The following GALNT18 variants were observed in gnomAD, a reference collection of about 807,000 sequenced individuals.
GALNT18 encodes the protein GalNAc-transferase 18.
A neutral mutation model predicts 69.5 loss-of-function variants in GALNT18; 44 were observed. The ratio of observed to expected loss-of-function variants is 0.63; its 90% CI spans 0.50 to 0.81. GALNT18 has a LOEUF of 0.81. GALNT18 is among the 40% of genes least tolerant of loss of function. The pLI, the probability that GALNT18 is intolerant of heterozygous loss-of-function variation, is 0.00. For synonymous variants in GALNT18, 364 were observed against 318.2 expected, an observed-to-expected ratio of 1.14 and a Z score of -1.53; for missense variants, 715 against 810.0, an observed-to-expected ratio of 0.88 and a Z score of 1.42.
intron 1 of GALNT18, among the ~76,000 whole-genome samples, chr11:11,474,880 G>A (rs966720567): frequency 1.3e-5 from 2 of 152,202 alleles, no homozygotes; most frequent in African/African-American, 4.8e-5. Flanking sequence ...TAGAGGACAT[G>A]AGAGACAGTG....
chr11:11,458,082 G>A (rs934097483), intron 1 of GALNT18, among the ~76,000 whole-genome samples: 1 of 152,170 alleles, frequency 6.6e-6, no homozygotes, highest in African/African-American at 2.4e-5. Flanking sequence ...TCCTCCCAGA[G>A]TGCACTGGGG....
rs898793001 is a variant in GALNT18, at chr11:11,616,535, A to G, written c.235+4824T>C. Reference sequence around the variant, plus strand: ...TATAATAGCAAAACAAATGTCCAATAATAGGAAAGTGGTTGAATCAATAAT... The same window carrying G: ...TATAATAGCAAAACAAATGTCCAATGATAGGAAAGTGGTTGAATCAATAAT... On this transcript the variant is annotated intron_variant, in intron 1 of 10. Coordinates refer to ENST00000227756, the MANE Select transcript of GALNT18 (RefSeq NM_198516.3). The surrounding 1 kb of genome is among the most constrained non-coding windows in gnomAD (Gnocchi z 4.4). Among the ~76,000 whole-genome samples the G allele has an allele frequency of 1.3e-5, 2 of 152,224 alleles. No homozygotes were observed. Among genetic ancestry groups the G allele is most frequent in the Non-Finnish European group, 2.9e-5 (2 of 68,040 alleles).
At chr11:11,348,764 C>T (rs1408675848) in intron 6 of GALNT18, among the ~76,000 whole-genome samples, 1 of 152,224 alleles carries the variant, frequency 6.6e-6, no homozygotes, top group Non-Finnish European at 1.5e-5. Flanking sequence ...CACGTATACA[C>T]TTATTTCCCT....
At chr11:11,478,302 G>A (rs1021657258) in intron 1 of GALNT18, among the ~76,000 whole-genome samples, 4 of 152,196 alleles carry the variant, frequency 2.6e-5, no homozygotes, top group African/African-American at 9.7e-5. Flanking sequence ...AATCAAATGT[G>A]AGCGTAGAAT....
chr11:11,316,548 C>G lies in GALNT18; in HGVS notation c.1512+10538G>C, dbSNP rs180822147. On this transcript the variant is annotated intron_variant, in intron 9 of 10. Coordinates refer to ENST00000227756, the MANE Select transcript of GALNT18 (RefSeq NM_198516.3). ...TTTCATCTCAACTCTAATCTTTAAA[C>G]CTTGAGTCAAAGCACTTCCTGGAGC... Among the ~76,000 whole-genome samples, 23 of 152,262 alleles carry G rather than the reference C, an allele frequency of 1.5e-4. No homozygotes were observed. In the East Asian group the frequency reaches 4.4e-3, roughly 29 times the overall value.
At position 11,382,428 on chromosome 11, in the gene GALNT18, A is replaced by G. The variant is rs1342373063; in HGVS notation, c.596-3164T>C. Among the ~76,000 whole-genome samples the G allele has an allele frequency of 6.6e-6, 1 of 152,234 alleles. No homozygotes were observed. The highest frequency in any genetic ancestry group is 1.5e-5 in the Non-Finnish European group (1 of 68,042). The stretch of plus-strand genomic sequence containing the variant: ...TGCTTTCCAAAACACTGTCCATTGT[A>G]TATTATATATATTGACTATTAACTA... On this transcript the variant is annotated intron_variant, in intron 3 of 10. Transcript: ENST00000227756. This position sits in a 1 kb window ranked among gnomAD's most constrained non-coding sequence, Gnocchi z 4.3.
intron 1 of GALNT18, among the ~76,000 whole-genome samples, chr11:11,495,907 C>T (rs1856858602): frequency 6.6e-6 from 1 of 152,210 alleles, no homozygotes; most frequent in African/African-American, 2.4e-5. Flanking sequence ...AGTCCTCTGC[C>T]ACCTTCTCTA....
chr11:11,609,335 A>G (rs1391090515), intron 1 of GALNT18, among the ~76,000 whole-genome samples: 1 of 151,854 alleles, frequency 6.6e-6, no homozygotes, highest in Non-Finnish European at 1.5e-5. Flanking sequence ...TGTTTCTCAA[A>G]CACTTCAGGC....
chr11:11,384,375 G>A (rs185986497), intron 3 of GALNT18, among the ~76,000 whole-genome samples: 137 of 152,236 alleles, frequency 9.0e-4, no homozygotes, highest in Admixed American at 1.8e-3. Flanking sequence ...AGAACAAGAC[G>A]CTAGCATTTG....
intron 1 of GALNT18, among the ~76,000 whole-genome samples, chr11:11,503,346 A>T (rs1206200910): frequency 6.6e-6 from 1 of 152,188 alleles, no homozygotes; most frequent in Admixed American, 6.5e-5. Context: ...TGAAGCCTAG[A>T]AATGACGATC....
chr11:11,520,235 G>A (rs1857365659), intron 1 of GALNT18, among the ~76,000 whole-genome samples: 4 of 152,214 alleles, frequency 2.6e-5, no homozygotes, highest in African/African-American at 9.6e-5. Context: ...CATGAGGGAG[G>A]TCCAATTATT....
In GALNT18 at chr11:11,439,200, G is replaced by A. The variant is rs1323982874; in HGVS notation, c.429-6413C>T. 2.0e-5 allele frequency among the ~76,000 whole-genome samples: 3 copies of A among 152,206 alleles called. No homozygotes were observed. The highest frequency in any genetic ancestry group is 4.4e-5 in the Non-Finnish European group (3 of 68,032). On this transcript the variant is annotated intron_variant, in intron 2 of 10. Transcript: ENST00000227756. The surrounding 1 kb of genome is among the most constrained non-coding windows in gnomAD (Gnocchi z 4.4). Reference sequence around the variant, plus strand: ...GCAGAAATGATGAATAGGAAGAAGGGCGTTGTCAGTGAGTGAACTGTAGAC... The same window carrying A: ...GCAGAAATGATGAATAGGAAGAAGGACGTTGTCAGTGAGTGAACTGTAGAC...
chr11:11,616,752 T>C lies in GALNT18; in HGVS notation c.235+4607A>G, dbSNP rs1860060018. ...AGTTTTACACTTACCAGTGGTCCACTGGGTTTGTTCTCAAACGTGTTTACA... is the reference window on the plus strand; with the variant it reads ...AGTTTTACACTTACCAGTGGTCCACCGGGTTTGTTCTCAAACGTGTTTACA... On this transcript the variant is annotated intron_variant, in intron 1 of 10. Coordinates refer to ENST00000227756, the MANE Select transcript of GALNT18 (RefSeq NM_198516.3). This position sits in a 1 kb window ranked among gnomAD's most constrained non-coding sequence, Gnocchi z 4.4. Among the ~76,000 whole-genome samples the C allele has an allele frequency of 6.6e-6, 1 of 152,258 alleles. No individual in the cohort carries two copies.
chr11:11,408,462 G>T (rs1157896634), intron 3 of GALNT18, among the ~76,000 whole-genome samples: 1 of 151,860 alleles, frequency 6.6e-6, no homozygotes, highest in South Asian at 2.1e-4. Flanking sequence ...CAAGATTTAT[G>T]CAGAGAAGAC....
chr11:11,289,156 C>T (rs1031627422), intron 10 of GALNT18, among the ~76,000 whole-genome samples: 15 of 152,296 alleles, frequency 9.8e-5, no homozygotes, highest in South Asian at 4.1e-4. Flanking sequence ...TTGTCAACAG[C>T]GACTCCTCAC....
chr11:11,427,376 G>C (rs1398645823), intron 3 of GALNT18, among the ~76,000 whole-genome samples: 1 of 152,182 alleles, frequency 6.6e-6, no homozygotes, highest in Non-Finnish European at 1.5e-5. Context: ...GCACAGGCCT[G>C]ACCCAAAGCA....
chr11:11,560,645 GTGTGGT>G (rs918992774), intron 1 of GALNT18, among the ~76,000 whole-genome samples: 12 of 152,320 alleles, frequency 7.9e-5, no homozygotes, highest in African/African-American at 2.4e-4. Flanking sequence ...ATCATGGCAG[GTGTGGT>G]TGTGCAGGAT....
Position 11,523,249 on chromosome 11 carries a change from C to T in GALNT18, c.236-74313G>A, listed in dbSNP as rs903982905. Among the ~76,000 whole-genome samples the T allele has an allele frequency of 6.6e-6, 1 of 152,144 alleles. No homozygotes were observed. Among genetic ancestry groups the T allele is most frequent in the African/African-American group, 2.4e-5 (1 of 41,444 alleles). ...AGAACTGCAATCAGAATAGGTCCTG[C>T]ATGCCCTCCAAGTACAGCATCTCTT... On this transcript the variant is annotated intron_variant, in intron 1 of 10. Coordinates refer to ENST00000227756, the MANE Select transcript of GALNT18 (RefSeq NM_198516.3). The surrounding 1 kb of genome is among the most constrained non-coding windows in gnomAD (Gnocchi z 4.3).
At chr11:11,571,410 TA>T (rs748521621) in intron 1 of GALNT18, among the ~76,000 whole-genome samples, 17 of 152,372 alleles carry the variant, frequency 1.1e-4, no homozygotes, top group Middle Eastern at 3.4e-3. Flanking sequence ...GTGATAAATC[TA>T]ACTCTTCAAA....
Sources: gnomAD v4.1 joint callset for allele counts (sites outside exome capture counted in the v4.1 genomes callset) on GRCh38, gnomAD v4.1.1 for gene constraint, Gnocchi (gnomAD v3.1) non-coding constraint, MANE v1.5 for transcripts, NCBI Gene and HGNC (gene_info 2026-07-23, HGNC 2026-07-21) for gene names.